Variants in TGM3 observed in about 807,000 individuals in gnomAD.
The protein encoded by TGM3 is transglutaminase 3.
A neutral mutation model predicts 73.8 loss-of-function variants in TGM3; 52 were observed. The ratio of observed to expected loss-of-function variants is 0.70; its 90% CI spans 0.56 to 0.89. The LOEUF (loss-of-function observed/expected upper bound fraction) is 0.89, where lower values mean the gene tolerates loss of function less well. Among genes scored for constraint, TGM3 ranks in the 40% least tolerant of loss-of-function variants. TGM3 has a pLI of 0.00. For synonymous variants in TGM3, 372 were observed against 354.9 expected, an observed-to-expected ratio of 1.05 and a Z score of -0.54; for missense variants, 928 against 909.9, an observed-to-expected ratio of 1.02 and a Z score of -0.26.
In TGM3 at chr20:2,328,658, G is replaced by C. The variant is rs2084303829; in HGVS notation, c.1333+293G>C. On this transcript the variant is annotated intron_variant, in intron 9 of 12. Transcript: ENST00000381458. The surrounding 1 kb of genome is among the most constrained non-coding windows in gnomAD (Gnocchi z 5.2). Reference sequence around the variant, plus strand: ...TCTCAACTACACAGCTAGGGTGACAGCACCGTGACTGAACATCACAGGGAG... The same window carrying C: ...TCTCAACTACACAGCTAGGGTGACACCACCGTGACTGAACATCACAGGGAG... Among the ~76,000 whole-genome samples the C allele has an allele frequency of 6.6e-6, 1 of 152,254 alleles. No homozygotes were observed. Among genetic ancestry groups the C allele is most frequent in the Non-Finnish European group, 1.5e-5 (1 of 68,048 alleles).
At position 2,328,262 on chromosome 20, in the gene TGM3, G is replaced by C. The variant is rs770298668; in HGVS notation, c.1230G>C (p.Trp410Cys). The change falls in exon 9 of 13, where the codon TGG becomes TGC. Residue 410 changes from tryptophan to cysteine, a missense_variant. Trp to Cys is a radical substitution (Grantham distance 215, BLOSUM62 -2). Transcript: ENST00000381458. The surrounding 1 kb of genome is among the most constrained non-coding windows in gnomAD (Gnocchi z 5.2). ...WLYDNTTGKQ[W>C]KNSVNSHTIG... ...ACGACAACACCACTGGCAAACAGTGGAAGAATTCCGTGAACAGTCACACCA... is the reference window on the plus strand; with the variant it reads ...ACGACAACACCACTGGCAAACAGTGCAAGAATTCCGTGAACAGTCACACCA... 3.7e-6 allele frequency: 6 copies of C among 1,614,064 alleles called. No individual in the cohort carries two copies. The highest frequency in any genetic ancestry group is 5.1e-6 in the Non-Finnish European group (6 of 1,180,044).
chr20:2,317,601 T>G (rs1436094180), intron 7 of TGM3, 116 bp downstream of exon 7: 2 of 1,412,996 alleles, frequency 1.4e-6, no homozygotes, highest in Non-Finnish European at 2.0e-6. Context: ...TAACATGTCA[T>G]CACAGGGTGT....
At chr20:2,324,421 T>C (rs2084276330) in intron 7 of TGM3, among the ~76,000 whole-genome samples, 1 of 152,214 alleles carries the variant, frequency 6.6e-6, no homozygotes, top group Non-Finnish European at 1.5e-5. Context: ...TGGTTCTTTG[T>C]TTGTTGAGTG....
chr20:2,333,730 C>T (rs2084332820), intron 10 of TGM3, among the ~76,000 whole-genome samples: 1 of 151,662 alleles, frequency 6.6e-6, no homozygotes. Context: ...AAAAAATTCA[C>T]AGGATGGAAA....
At chr20:2,319,661 C>T (rs1431398709) in intron 7 of TGM3, among the ~76,000 whole-genome samples, 1 of 152,178 alleles carries the variant, frequency 6.6e-6, no homozygotes, top group East Asian at 1.9e-4. Context: ...GGGCCAGGCG[C>T]AGAAGCTCTG....
chr20:2,332,052 CCCAACACG>C lies in TGM3; in HGVS notation c.1388_1395del (p.Asn463IlefsTer68). On this transcript the variant is annotated frameshift_variant, in exon 10 of 13. Transcript: ENST00000381458. LOFTEE classifies it high-confidence loss of function. This position sits in a 1 kb window ranked among gnomAD's most constrained non-coding sequence, Gnocchi z 4.4. Reference sequence around the variant, plus strand: ...CCAAAAGGCTTTGGGGAAACTTAAACCCAACACGCCATTTGCCGCGACGTCTTCAATGG... The same window carrying C: ...CCAAAAGGCTTTGGGGAAACTTAAACCCATTTGCCGCGACGTCTTCAATGG... The C allele has an allele frequency of 6.2e-7, 1 of 1,613,930 alleles. No individual in the cohort carries two copies.
At chr20:2,311,393 T>C (rs1207187926) in intron 4 of TGM3, among the ~76,000 whole-genome samples, 6 of 152,084 alleles carry the variant, frequency 3.9e-5, no homozygotes, top group Admixed American at 3.9e-4. Context: ...CATAACTCAA[T>C]TGATGCAATG....
chr20:2,306,100 G>A (rs1193680716), intron 1 of TGM3, among the ~76,000 whole-genome samples: 2 of 152,148 alleles, frequency 1.3e-5, no homozygotes, highest in Non-Finnish European at 2.9e-5. Context: ...ATGAATGGGA[G>A]GAGCCTCTAC....
At chr20:2,321,340 A>C (rs888169153) in intron 7 of TGM3, among the ~76,000 whole-genome samples, 2 of 152,210 alleles carry the variant, frequency 1.3e-5, no homozygotes, top group African/African-American at 4.8e-5. Context: ...CAATGAAATC[A>C]ATGAATTATT....
intron 7 of TGM3, among the ~76,000 whole-genome samples, chr20:2,325,162 C>T (rs1317051748): frequency 2.0e-5 from 3 of 152,060 alleles, no homozygotes; most frequent in Non-Finnish European, 2.9e-5. Context: ...CTGAAAAGTG[C>T]CAAGACCAGT....
chr20:2,337,459 T>C (rs1323466313), intron 11 of TGM3, among the ~76,000 whole-genome samples: 2 of 152,236 alleles, frequency 1.3e-5, no homozygotes, highest in Admixed American at 1.3e-4. Context: ...TGGCTCACTC[T>C]TGCAATCCCA....
chr20:2,311,521 T>C (rs1167409349), intron 4 of TGM3, among the ~76,000 whole-genome samples: 1 of 152,188 alleles, frequency 6.6e-6, no homozygotes, highest in African/African-American at 2.4e-5. Context: ...TTCCTTAGTG[T>C]GCCCACTCAG....
intron 7 of TGM3, among the ~76,000 whole-genome samples, chr20:2,320,126 T>A (rs45557842): frequency 1.3e-5 from 2 of 152,202 alleles, no homozygotes; most frequent in Non-Finnish European, 2.9e-5. Context: ...GCTATTCTTA[T>A]AAGGGCAACC....
chr20:2,336,435 A>G (rs1449651826), intron 11 of TGM3, among the ~76,000 whole-genome samples: 1 of 151,958 alleles, frequency 6.6e-6, no homozygotes, highest in Non-Finnish European at 1.5e-5. Context: ...TCCCTGTACA[A>G]TCACAATGCC....
chr20:2,314,494 C>G (rs1205258431), intron 5 of TGM3, among the ~76,000 whole-genome samples: 1 of 150,248 alleles, frequency 6.7e-6, no homozygotes, highest in Non-Finnish European at 1.5e-5. Context: ...GAGTGTGAGA[C>G]CAGCCTGGAC....
intron 1 of TGM3, among the ~76,000 whole-genome samples, chr20:2,309,138 C>A (rs1344182763): frequency 6.6e-6 from 1 of 152,260 alleles, no homozygotes; most frequent in Non-Finnish European, 1.5e-5. Context: ...CTCAGCCACA[C>A]AAAGTGCTGG....
chr20:2,297,207 C>T (rs192058390), intron 1 of TGM3, among the ~76,000 whole-genome samples: 82 of 152,344 alleles, frequency 5.4e-4, no homozygotes, highest in Non-Finnish European at 5.1e-4. Context: ...GTGAATCCAT[C>T]GCAGAGCCAG....
At position 2,310,404 on chromosome 20, in the gene TGM3, C is replaced by A; in HGVS notation, c.408C>A (p.Asn136Lys). ...TTGGGACGTTCATACTGCTTTTTAA[C>A]CCCTGGCTGAATGGTAGGTGTCTAG... ...VKLGTFILLF[N>K]PWLNVDSVFM... The change falls in exon 3 of 13, where the codon AAC (asparagine) becomes AAA (lysine). Residue 136 changes from asparagine (N) to lysine (K), a missense_variant. Physicochemically the swap from Asn to Lys is moderately conservative, Grantham distance 94 (BLOSUM62 0). Coordinates refer to ENST00000381458, the MANE Select transcript of TGM3 (RefSeq NM_003245.4). The A allele has an allele frequency of 6.2e-7, 1 of 1,614,190 alleles. No individual in the cohort carries two copies. The highest frequency in any genetic ancestry group is 8.5e-7 in the Non-Finnish European group (1 of 1,180,012).
chr20:2,309,741 T>C lies in TGM3; in HGVS notation c.92T>C (p.Ile31Thr), dbSNP rs753185052. ...HTDKFSSQEL[I>T]LRRGQNFQVL... ...GACAAGTTCTCCAGCCAGGAGCTCA[T>C]CTTGCGGAGAGGCCAAAACTTCCAG... The change falls in exon 2 of 13, where the codon ATC (isoleucine) becomes ACC (threonine). Residue 31 changes from isoleucine (I) to threonine (T), a missense_variant. Transcript: ENST00000381458. The C allele has an allele frequency of 3.7e-6, 6 of 1,614,198 alleles. No individual in the cohort carries two copies. In the South Asian group the frequency reaches 6.6e-5, roughly 18 times the overall value.
Sources: allele counts gnomAD v4.1 joint callset (sites outside exome capture counted in the v4.1 genomes callset), GRCh38; gene constraint gnomAD v4.1.1; non-coding constraint Gnocchi (gnomAD v3.1); transcripts MANE v1.5; gene names NCBI Gene and HGNC (gene_info 2026-07-23, HGNC 2026-07-21).